LRGUK: variants seen among roughly 807,000 people sequenced by gnomAD.
LRGUK encodes the protein leucine rich repeats and guanylate kinase domain containing, also known as leucine-rich repeat and guanylate kinase domain-containing protein.
A neutral mutation model predicts 76.0 loss-of-function variants in LRGUK; 65 were observed. That is an observed-to-expected ratio of 0.85 (90% CI 0.70 to 1.05). The LOEUF (loss-of-function observed/expected upper bound fraction) is 1.05. Among genes scored for constraint, LRGUK ranks in the 50% least tolerant of loss-of-function variants. The pLI is 0.00. For synonymous variants in LRGUK, 268 were observed against 265.6 expected (o/e 1.01, Z -0.09); for missense variants, 758 against 732.8 (o/e 1.03, Z -0.40).
intron 15 of LRGUK, 98 bp from the exon 16 acceptor site, chr7:134,221,681 T>C: frequency 1.1e-6 from 1 of 886,948 alleles, no homozygotes; most frequent in Non-Finnish European, 1.6e-6. Flanking sequence ...AGTATCCAGC[T>C]TGTTATGTTT....
At chr7:134,179,200 G>C (rs1785160844) in intron 10 of LRGUK, among the ~76,000 whole-genome samples, 1 of 152,166 alleles carries the variant, frequency 6.6e-6, no homozygotes. Context: ...GCCCAGCTCG[G>C]TGGAACACAT....
chr7:134,190,445 C>A (rs2117045978), intron 11 of LRGUK, among the ~76,000 whole-genome samples: 1 of 152,332 alleles, frequency 6.6e-6, no homozygotes, highest in Non-Finnish European at 1.5e-5. Flanking sequence ...TGGGCTCAAG[C>A]AATCCTCCTG....
intron 7 of LRGUK, among the ~76,000 whole-genome samples, chr7:134,171,266 A>G (rs1401523870): frequency 6.6e-6 from 1 of 151,942 alleles, no homozygotes; most frequent in Non-Finnish European, 1.5e-5. Flanking sequence ...TACACTTACC[A>G]TCATCATCAA....
At chr7:134,153,804 A>G (rs945369913) in intron 5 of LRGUK, among the ~76,000 whole-genome samples, 5 of 152,186 alleles carry the variant, frequency 3.3e-5, no homozygotes, top group African/African-American at 4.8e-5. Context: ...AAGGTGATAC[A>G]GATCTTTCAG....
At chr7:134,218,925 T>C (rs1189064612) in intron 15 of LRGUK, among the ~76,000 whole-genome samples, 1 of 152,208 alleles carries the variant, frequency 6.6e-6, no homozygotes, top group Non-Finnish European at 1.5e-5. Flanking sequence ...ATGATACTAA[T>C]CCATAAAATA....
intron 7 of LRGUK, among the ~76,000 whole-genome samples, chr7:134,168,939 A>C (rs1031614166): frequency 6.6e-6 from 1 of 152,032 alleles, no homozygotes; most frequent in South Asian, 2.1e-4. Flanking sequence ...CTTGGAAGCT[A>C]ATCCTTACTA....
At chr7:134,211,501 G>A (rs574677991), downstream of LRGUK, among the ~76,000 whole-genome samples, 147 of 152,330 alleles carry the variant, frequency 9.7e-4, no homozygotes, top group Non-Finnish European at 9.6e-4. Flanking sequence ...TAACTTGTGG[G>A]AATCTTCTGT....
At chr7:134,139,478 C>T in exon 3 of LRGUK, 1 of 1,610,062 alleles carries the variant, frequency 6.2e-7, no homozygotes. Flanking sequence ...TGGATATGTT[C>T]ATCTACAGAA....
intron 15 of LRGUK, among the ~76,000 whole-genome samples, chr7:134,206,103 A>G (rs1276518856): frequency 6.6e-6 from 1 of 152,264 alleles, no homozygotes; most frequent in Non-Finnish European, 1.5e-5. Flanking sequence ...CTGGACCCAG[A>G]AATATAAACT....
chr7:134,249,767 G>A (rs1802399178), intron 18 of LRGUK, among the ~76,000 whole-genome samples: 1 of 152,200 alleles, frequency 6.6e-6, no homozygotes, highest in Non-Finnish European at 1.5e-5. Context: ...CTCCATTGCT[G>A]ATTGTAGCAC....
intron 4 of LRGUK, 72 bp from the exon 5 acceptor site, chr7:134,148,166 C>A: frequency 2.1e-6 from 2 of 937,042 alleles, no homozygotes; most frequent in Non-Finnish European, 1.7e-6. Flanking sequence ...CTTCTTCTTG[C>A]ACAGTTAATT....
At chr7:134,262,710 G>A (rs1342736152) in intron 19 of LRGUK, among the ~76,000 whole-genome samples, 2 of 152,190 alleles carry the variant, frequency 1.3e-5, no homozygotes, top group Non-Finnish European at 2.9e-5. Context: ...GCTCATGCCT[G>A]TAATCCCAGC....
At chr7:134,160,260 A>G (rs573082532) in intron 6 of LRGUK, among the ~76,000 whole-genome samples, 1 of 152,298 alleles carries the variant, frequency 6.6e-6, no homozygotes, top group South Asian at 2.1e-4. Flanking sequence ...TACAAAATAA[A>G]TAATCCATGT....
chr7:134,191,883 GGT>G, intron 12 of LRGUK, 132 bp downstream of exon 12: 1 of 560,980 alleles, frequency 1.8e-6, no homozygotes, highest in South Asian at 3.2e-5. Flanking sequence ...GTTTTTATGG[GGT>G]TTTTTTTTTT....
chr7:134,242,041 C>A (rs1264555405), intron 16 of LRGUK, among the ~76,000 whole-genome samples: 1 of 152,086 alleles, frequency 6.6e-6, no homozygotes, highest in Non-Finnish European at 1.5e-5. Flanking sequence ...GAATCTGGGA[C>A]ACATTCAAAG....
intron 16 of LRGUK, among the ~76,000 whole-genome samples, chr7:134,223,339 T>A (rs965912852): frequency 2.0e-5 from 3 of 152,204 alleles, no homozygotes; most frequent in African/African-American, 7.2e-5. Flanking sequence ...CAAGCCATGC[T>A]GTGGTGGTCA....
At chr7:134,152,166 A>G (rs1798247735) in intron 5 of LRGUK, among the ~76,000 whole-genome samples, 1 of 152,064 alleles carries the variant, frequency 6.6e-6, no homozygotes, top group South Asian at 2.1e-4. Flanking sequence ...TACTATAAAT[A>G]ATAGTTTTGA....
At chr7:134,207,832 C>G (rs1801070764) in intron 15 of LRGUK, among the ~76,000 whole-genome samples, 1 of 152,180 alleles carries the variant, frequency 6.6e-6, no homozygotes, top group South Asian at 2.1e-4. Context: ...GAGCTATGCC[C>G]TTAGGACTGG....
At chr7:134,183,616 C>T (rs1222420) in intron 10 of LRGUK, 118 bp from the exon 11 acceptor site, 1,016,845 of 1,018,312 alleles carry the variant, frequency 1, 507,709 homozygotes, top group East Asian at 1. Flanking sequence ...TATTCTTCTA[C>T]GCAGGGTCTT....
Sources: allele counts gnomAD v4.1 joint callset (sites outside exome capture counted in the v4.1 genomes callset), GRCh38; gene constraint gnomAD v4.1.1; transcripts MANE v1.5; gene names NCBI Gene and HGNC (gene_info 2026-07-23, HGNC 2026-07-21).